Variants in TCERG1L observed in about 807,000 individuals in gnomAD.
The protein encoded by TCERG1L is transcription elongation regulator 1 like.
In TCERG1L, 37 loss-of-function variants were observed where a neutral mutation model predicts 56.3. The observed-to-expected ratio is 0.66, with a 90% CI of 0.51 to 0.87. The LOEUF (loss-of-function observed/expected upper bound fraction) is 0.87, where lower values mean the gene tolerates loss of function less well. Ranked by LOEUF, TCERG1L falls within the 40% of genes least tolerant of loss-of-function variation. The pLI is 0.00. For missense variants in TCERG1L, 799 were observed against 774.2 expected (o/e 1.03, Z -0.38); for synonymous variants, 324 against 326.3 (o/e 0.99, Z 0.08).
chr10:131,144,167 C>T (rs1461051485), intron 7 of TCERG1L, among the ~76,000 whole-genome samples: 1 of 152,148 alleles, frequency 6.6e-6, no homozygotes, highest in African/African-American at 2.4e-5. Flanking sequence ...TCATTTGCCT[C>T]TTGAAAAATA....
intron 3 of TCERG1L, among the ~76,000 whole-genome samples, chr10:131,261,054 G>C (rs953768495): frequency 6.6e-6 from 1 of 152,102 alleles, no homozygotes; most frequent in African/African-American, 2.4e-5. Context: ...GGGAGTGGCC[G>C]GTCACCAGAC....
intron 3 of TCERG1L, among the ~76,000 whole-genome samples, chr10:131,304,990 C>T (rs1340153026): frequency 6.6e-6 from 1 of 152,108 alleles, no homozygotes; most frequent in Admixed American, 6.5e-5. Flanking sequence ...TGCCTGATTA[C>T]AAAATGCTCC....
chr10:131,098,381 T>G lies in TCERG1L; in HGVS notation c.1529A>C (p.Lys510Thr). ...TAGCAGCAATTTACTTTTCTTTTCC[T>G]TGTATTCTTCTTTTATTCTTGTCTT... ...FVKTRIKEEY[K>T]EKKSKLLLAK... Residue 510 changes from lysine to threonine, a missense_variant, in exon 11 of 12, where the codon AAG (lysine) becomes ACG (threonine). By Grantham distance (78) the Lys-to-Thr change is moderately conservative (BLOSUM62 -1). Transcript: ENST00000368642. 6.4e-7 allele frequency: 1 copy of G among 1,551,428 alleles called. No homozygotes were observed. Among genetic ancestry groups the G allele is most frequent in the Non-Finnish European group, 8.7e-7 (1 of 1,147,158 alleles).
chr10:131,244,495 T>C (rs1306649138), intron 4 of TCERG1L, among the ~76,000 whole-genome samples: 1 of 151,804 alleles, frequency 6.6e-6, no homozygotes, highest in Non-Finnish European at 1.5e-5. Flanking sequence ...TTCTTTAAGG[T>C]GCGCTGGAAG....
chr10:131,241,195 T>C (rs1589758700), intron 4 of TCERG1L, among the ~76,000 whole-genome samples: 1 of 151,758 alleles, frequency 6.6e-6, no homozygotes, highest in Non-Finnish European at 1.5e-5. Context: ...TGGAGGGCGG[T>C]GGAGAACACG....
chr10:131,204,671 G>A (rs1157705207), intron 4 of TCERG1L, among the ~76,000 whole-genome samples: 1 of 152,194 alleles, frequency 6.6e-6, no homozygotes, highest in Non-Finnish European at 1.5e-5. Context: ...TTCCACTAGA[G>A]GCTAAAATAA....
At chr10:131,227,268 A>T (rs1442172426) in intron 4 of TCERG1L, among the ~76,000 whole-genome samples, 1 of 152,240 alleles carries the variant, frequency 6.6e-6, no homozygotes, top group African/African-American at 2.4e-5. Context: ...CTATGCCTGC[A>T]GATAAGTGGT....
At chr10:131,148,935 G>A (rs1397540712) in intron 6 of TCERG1L, among the ~76,000 whole-genome samples, 1 of 152,246 alleles carries the variant, frequency 6.6e-6, no homozygotes, top group Non-Finnish European at 1.5e-5. Flanking sequence ...GCATCTGGGA[G>A]CCCTGACCTG....
At chr10:131,139,536 G>A (rs76497144) in intron 7 of TCERG1L, among the ~76,000 whole-genome samples, 6,818 of 152,282 alleles carry the variant, frequency 0.045, 176 homozygotes, top group Middle Eastern at 0.15. Flanking sequence ...TGCAGACAGC[G>A]TGCAGCAGCA....
At chr10:131,109,513 G>A (rs550731794) in intron 9 of TCERG1L, among the ~76,000 whole-genome samples, 59 of 152,314 alleles carry the variant, frequency 3.9e-4, no homozygotes, top group Non-Finnish European at 6.8e-4. Flanking sequence ...TGTGAACGCT[G>A]GAGCCGCCTC....
At chr10:131,250,120 C>A (rs1250147843) in intron 4 of TCERG1L, among the ~76,000 whole-genome samples, 1 of 152,186 alleles carries the variant, frequency 6.6e-6, no homozygotes, top group Non-Finnish European at 1.5e-5. Context: ...AAGCTGCATG[C>A]GGCGTGCACG....
Position 131,206,489 on chromosome 10 carries a change from G to A in TCERG1L, c.857-39604C>T, listed in dbSNP as rs59114984. 3.4e-3 allele frequency among the ~76,000 whole-genome samples: 516 copies of A among 152,338 alleles called. 2 individuals carry two copies. Among genetic ancestry groups the A allele is most frequent in the African/African-American group, 0.011 (464 of 41,588 alleles). On this transcript the variant is annotated intron_variant, in intron 4 of 11. Transcript: ENST00000368642. ...CACGAGGAGAGGCAGAATAGAGGGC[G>A]TTTTATCCATGGAACAAGCGCCCCT...
intron 9 of TCERG1L, among the ~76,000 whole-genome samples, chr10:131,112,552 G>A (rs1490842772): frequency 2.1e-5 from 3 of 142,188 alleles, no homozygotes; most frequent in Non-Finnish European, 3.2e-5. Flanking sequence ...TTGCCTGCTC[G>A]CAGGGATGGG....
intron 8 of TCERG1L, among the ~76,000 whole-genome samples, chr10:131,127,499 G>C (rs1400896797): frequency 6.6e-6 from 1 of 152,250 alleles, no homozygotes; most frequent in East Asian, 1.9e-4. Flanking sequence ...GGTGGCCCAG[G>C]AAGTTCGAAA....
At chr10:131,111,591 C>T (rs1267636783) in intron 9 of TCERG1L, among the ~76,000 whole-genome samples, 1 of 142,548 alleles carries the variant, frequency 7.0e-6, no homozygotes, top group African/African-American at 2.5e-5. Flanking sequence ...AGGAAGGAAG[C>T]AATCTGTCAC....
At chr10:131,120,073 C>T (rs1845498184) in intron 8 of TCERG1L, among the ~76,000 whole-genome samples, 1 of 152,190 alleles carries the variant, frequency 6.6e-6, no homozygotes, top group South Asian at 2.1e-4. Flanking sequence ...GACCATCCTA[C>T]CCCTAAGCAG....
At chr10:131,137,376 C>G (rs925869662) in intron 7 of TCERG1L, among the ~76,000 whole-genome samples, 92 of 152,242 alleles carry the variant, frequency 6.0e-4, no homozygotes, top group African/African-American at 2.2e-3. Flanking sequence ...CCCTGCGTCA[C>G]TGGGCCTTCT....
intron 4 of TCERG1L, among the ~76,000 whole-genome samples, chr10:131,176,778 GGACACACAGAGA>G (rs1846158220): frequency 2.1e-4 from 3 of 14,612 alleles, no homozygotes; most frequent in Admixed American, 7.5e-4. Flanking sequence ...CAAGACACAT[GGACACACAGAGA>G]TACACGTACA....
chr10:131,261,772 G>C (rs1474176342), intron 3 of TCERG1L, among the ~76,000 whole-genome samples: 3 of 152,180 alleles, frequency 2.0e-5, no homozygotes, highest in Non-Finnish European at 4.4e-5. Flanking sequence ...CATTCTTCTT[G>C]TTGATTTTCT....
Sources: allele counts gnomAD v4.1 joint callset (sites outside exome capture counted in the v4.1 genomes callset), GRCh38; gene constraint gnomAD v4.1.1; transcripts MANE v1.5; gene names NCBI Gene and HGNC (gene_info 2026-07-23, HGNC 2026-07-21).